Variants in PEX13 observed in about 807,000 individuals in gnomAD.
PEX13 encodes peroxisome biogenesis factor 13.
In PEX13, 28 loss-of-function variants were observed where a neutral mutation model predicts 34.5. The observed-to-expected ratio is 0.81, with a 90% CI of 0.60 to 1.11. PEX13 has a LOEUF of 1.11. Among genes scored for constraint, PEX13 ranks in the 50% most tolerant of loss-of-function variants. The pLI is 0.00. For missense variants in PEX13, 550 were observed against 491.0 expected, an observed-to-expected ratio of 1.12 and a Z score of -1.13; for synonymous variants, 177 against 175.1, an observed-to-expected ratio of 1.01 and a Z score of -0.09.
Position 61,029,341 on chromosome 2 carries a change from G to A in PEX13, c.93-2078G>A, listed in dbSNP as rs367951457. Reference sequence around the variant, plus strand: ...AGCTATAATGAAAAATATAAGAGCAGATGTGGCCAAGGATGTGGAGAAATT... The same window carrying A: ...AGCTATAATGAAAAATATAAGAGCAAATGTGGCCAAGGATGTGGAGAAATT... On this transcript the variant is annotated intron_variant, in intron 1 of 3. Transcript: ENST00000295030. 4.3e-4 allele frequency among the ~76,000 whole-genome samples: 65 copies of A among 152,230 alleles called. 1 individual carries two copies. The South Asian group carries it at 0.012, about 29-fold the overall frequency.
intron 2 of PEX13, among the ~76,000 whole-genome samples, chr2:61,043,070 A>G (rs912402714): frequency 6.6e-5 from 10 of 152,162 alleles, no homozygotes; most frequent in Non-Finnish European, 1.3e-4. Flanking sequence ...GCCTCCTGCC[A>G]TGTTATGACA....
At chr2:61,031,029 C>A (rs780959760) in intron 1 of PEX13, among the ~76,000 whole-genome samples, 3 of 152,168 alleles carry the variant, frequency 2.0e-5, no homozygotes, top group Non-Finnish European at 2.9e-5. Context: ...GTGGCTCACA[C>A]CTGTAATCCC....
chr2:61,045,859 A>AT lies in PEX13; in HGVS notation c.913+10dup. 6.2e-7 allele frequency: 1 copy of AT among 1,607,618 alleles called. No individual in the cohort carries two copies. The highest frequency in any genetic ancestry group is 1.7e-4 in the Middle Eastern group (1 of 6,032). On this transcript the variant is annotated intron_variant, in intron 3 of 3. Transcript: ENST00000295030. Reference sequence around the variant, plus strand: ...TGAACTTAGCTCTCAAAGGTAATAAATTATGAATAAGTTGGAATTATCTGT... The same window carrying AT: ...TGAACTTAGCTCTCAAAGGTAATAAATTTATGAATAAGTTGGAATTATCTGT...
At chr2:61,035,679 C>A (rs1680523289) in intron 2 of PEX13, among the ~76,000 whole-genome samples, 1 of 152,092 alleles carries the variant, frequency 6.6e-6, no homozygotes, top group South Asian at 2.1e-4. Flanking sequence ...GATGCACACA[C>A]AAGCTTCAAT....
chr2:61,031,571 A>G lies in PEX13; in HGVS notation c.245A>G (p.Tyr82Cys), dbSNP rs764796135. 1.2e-6 allele frequency: 2 copies of G among 1,614,164 alleles called. No homozygotes were observed. Among genetic ancestry groups the G allele is most frequent in the East Asian group, 2.2e-5 (1 of 44,886 alleles). Residue 82 changes from tyrosine (Y) to cysteine (C), a missense_variant, in exon 2 of 4, where the codon TAT becomes TGT. Tyr to Cys is a radical substitution (Grantham distance 194). Transcript: ENST00000295030. ...RPAYSSFSSG[Y>C]GAYGNSFYGG... Reference sequence around the variant, plus strand: ...GCTTACAGTTCATTTTCTTCTGGATATGGTGCCTATGGAAATTCATTTTAT... The same window carrying G: ...GCTTACAGTTCATTTTCTTCTGGATGTGGTGCCTATGGAAATTCATTTTAT...
chr2:61,048,605 C>T lies in PEX13; in HGVS notation c.1047C>T (p.Ser349=), dbSNP rs1417259391. 6.2e-7 allele frequency: 1 copy of T among 1,614,086 alleles called. No individual in the cohort carries two copies. Among genetic ancestry groups the T allele is most frequent in the Admixed American group, 1.7e-5 (1 of 60,012 alleles). ...GRKTVESSKV[S]KQQQSFTNPT... Reference sequence around the variant, plus strand: ...AAACGGTGGAATCAAGTAAAGTTTCCAAGCAGCAACAATCTTTTACCAACC... The same window carrying T: ...AAACGGTGGAATCAAGTAAAGTTTCTAAGCAGCAACAATCTTTTACCAACC... Residue 349 remains serine (S), a synonymous_variant, in exon 4 of 4, where the codon TCC becomes TCT. Transcript: ENST00000295030.
intron 1 of PEX13, among the ~76,000 whole-genome samples, chr2:61,023,027 CAG>C (rs1680289950): frequency 1.3e-5 from 2 of 149,470 alleles, no homozygotes; most frequent in South Asian, 2.1e-4. Flanking sequence ...TTTTTTCAGA[CAG>C]TGTCTCACTC....
intron 2 of PEX13, among the ~76,000 whole-genome samples, chr2:61,044,462 G>T (rs1269530481): frequency 1.3e-5 from 2 of 152,142 alleles, no homozygotes; most frequent in East Asian, 3.9e-4. Flanking sequence ...TGTTGCCCAG[G>T]TTGGTCTTGA....
intron 1 of PEX13, 151 bp downstream of exon 1, chr2:61,018,002 G>A: frequency 7.5e-7 from 1 of 1,333,456 alleles, no homozygotes; most frequent in Non-Finnish European, 1.0e-6. Context: ...GAGCTGGGGC[G>A]CTTACCAGTG....
intron 2 of PEX13, among the ~76,000 whole-genome samples, chr2:61,041,613 G>A (rs908044369): frequency 1.1e-4 from 16 of 152,140 alleles, no homozygotes; most frequent in Non-Finnish European, 1.9e-4. Context: ...AGGATAAAGG[G>A]TAAATAAAGT....
intron 3 of PEX13, among the ~76,000 whole-genome samples, chr2:61,047,368 C>A (rs886521508): frequency 2.2e-4 from 33 of 152,098 alleles, no homozygotes; most frequent in African/African-American, 6.8e-4. Flanking sequence ...GTTGGTCAGG[C>A]TGGTCTCGAA....
chr2:61,025,442 CCT>C (rs1344088287), intron 1 of PEX13, among the ~76,000 whole-genome samples: 1 of 151,794 alleles, frequency 6.6e-6, no homozygotes, highest in African/African-American at 2.4e-5. Flanking sequence ...CACTACAACC[CCT>C]GTCACCCAGG....
intron 1 of PEX13, among the ~76,000 whole-genome samples, chr2:61,027,727 A>C (rs897745987): frequency 1.3e-5 from 2 of 152,062 alleles, no homozygotes; most frequent in Non-Finnish European, 2.9e-5. Context: ...CTCTTCCATA[A>C]GTCTGTCTTG....
intron 1 of PEX13, among the ~76,000 whole-genome samples, chr2:61,020,872 C>G (rs1680245433): frequency 6.6e-6 from 1 of 152,106 alleles, no homozygotes; most frequent in Non-Finnish European, 1.5e-5. Context: ...CCAGGCTGGT[C>G]TTGAACTCCT....
At position 61,050,552 on chromosome 2, in the gene PEX13, A is replaced by G. The variant is rs1680779716; in HGVS notation, c.*1782A>G. ...GTAATACTATCAGGAATACAGGTGT[A>G]TAAGAATACATTTATAGATATTGTT... On this transcript the variant is annotated 3_prime_UTR_variant, in exon 4 of 4. Transcript: ENST00000295030. 6.6e-6 allele frequency: 1 copy of G among 152,376 alleles called. No individual in the cohort carries two copies. The highest frequency in any genetic ancestry group is 1.5e-5 in the Non-Finnish European group (1 of 68,044). The allele number at this position is 152,376 out of a possible 1,614,324, so 9.4% of individuals were successfully genotyped here.
chr2:61,024,075 G>C (rs1680311526), intron 1 of PEX13, among the ~76,000 whole-genome samples: 1 of 152,132 alleles, frequency 6.6e-6, no homozygotes, highest in Non-Finnish European at 1.5e-5. Flanking sequence ...GGGATTACAG[G>C]CATGAGCCAC....
intron 1 of PEX13, among the ~76,000 whole-genome samples, chr2:61,028,851 T>A (rs1033781807): frequency 1.3e-5 from 2 of 152,202 alleles, no homozygotes; most frequent in Non-Finnish European, 2.9e-5. Context: ...TTTAAAGATA[T>A]TTTTGACTCA....
chr2:61,017,814 G>C lies in PEX13; in HGVS notation c.55G>C (p.Gly19Arg), dbSNP rs1208570016. ...ACCCTGGGAGACCCGCCGAATTCCGGGAGCCGGACCGGGACCAGGACCGGG... is the reference window on the plus strand; with the variant it reads ...ACCCTGGGAGACCCGCCGAATTCCGCGAGCCGGACCGGGACCAGGACCGGG... ...PKPWETRRIPGAGPGPGPGPT... is the reference protein window; with the variant it reads ...PKPWETRRIPRAGPGPGPGPT... The change falls in exon 1 of 4, where the codon GGA (glycine) becomes CGA (arginine). Residue 19 changes from glycine to arginine, a missense_variant. Coordinates refer to ENST00000295030, the MANE Select transcript of PEX13 (RefSeq NM_002618.4). 1 of 1,550,600 alleles carries C rather than the reference G, an allele frequency of 6.4e-7. No homozygotes were observed. The highest frequency in any genetic ancestry group is 8.7e-7 in the Non-Finnish European group (1 of 1,146,850).
chr2:61,028,981 G>A (rs1680404719), intron 1 of PEX13, among the ~76,000 whole-genome samples: 1 of 152,050 alleles, frequency 6.6e-6, no homozygotes, highest in African/African-American at 2.4e-5. Context: ...CCAGGTATTT[G>A]AGACCAGCCT....
Sources: gnomAD v4.1 joint callset for allele counts (sites outside exome capture counted in the v4.1 genomes callset) on GRCh38, gnomAD v4.1.1 for gene constraint, MANE v1.5 for transcripts, NCBI Gene and HGNC (gene_info 2026-07-23, HGNC 2026-07-21) for gene names.